The following RPL14 variants were observed in gnomAD, a reference collection of about 807,000 sequenced individuals.
RPL14 encodes the protein large ribosomal subunit protein eL14.
A neutral mutation model predicts 25.3 loss-of-function variants in RPL14; 4 were observed. The observed-to-expected ratio is 0.16, with a 90% confidence interval of 0.08 to 0.36. RPL14 has a LOEUF of 0.36. Among genes scored for constraint, RPL14 ranks in the 10% least tolerant of loss-of-function variants. The pLI, the probability that RPL14 is intolerant of heterozygous loss-of-function variation, is 1.00. For synonymous variants in RPL14, 75 were observed against 89.8 expected (o/e 0.84, Z 0.93); for missense variants, 212 against 261.9 (o/e 0.81, Z 1.31).
Position 40,458,957 on chromosome 3 carries a change from C to T in RPL14, c.200+221C>T, listed in dbSNP as rs528527940. ...TTGGGAGGCCACGGTGGGAGGGTCT[C>T]TTGAGCCCAAGTTTCAAGACCAGCA... On this transcript the variant is annotated intron_variant, in intron 3 of 5. Transcript: ENST00000396203. 5.4e-4 allele frequency: 256 copies of T among 471,608 alleles called. 5 individuals are homozygous for T. In the South Asian group the frequency reaches 5.8e-3, roughly 11 times the overall value. 29.2% of individuals were successfully genotyped at this position (471,608 alleles called of 1,614,324 possible).
At position 40,467,306 on chromosome 3, in the gene RPL14, C is replaced by T. The variant is rs916963029; in HGVS notation, c.*5074C>T. On this transcript the variant is annotated 3_prime_UTR_variant, in exon 6 of 6. Transcript: ENST00000396203. ...ACCAAGAAGTCCCACAAAATACCATCTGCAAGCTGGAGAACCAGGAAAGCT... is the reference window on the plus strand; with the variant it reads ...ACCAAGAAGTCCCACAAAATACCATTTGCAAGCTGGAGAACCAGGAAAGCT... 6.6e-6 allele frequency: 1 copy of T among 152,192 alleles called. No individual in the cohort carries two copies. The highest frequency in any genetic ancestry group is 2.4e-5 in the African/African-American group (1 of 41,448). The allele number at this position is 152,192 out of a possible 1,614,324, so 9.4% of individuals were successfully genotyped here. A position where few individuals can be genotyped will look rare whatever the true frequency, so the allele number is the denominator to read the frequency against.
chr3:40,457,927 A>C lies in RPL14; in HGVS notation c.41A>C (p.Tyr14Ser), dbSNP rs757289887. Residue 14 changes from tyrosine to serine, a missense_variant, in exon 2 of 6, where the codon TAT becomes TCT. Coordinates refer to ENST00000396203, the MANE Select transcript of RPL14 (RefSeq NM_001034996.3). Reference protein sequence around the residue: ...RRFVEVGRVAYVSFGPHAGKL... With the variant: ...RRFVEVGRVASVSFGPHAGKL... Reference sequence around the variant, plus strand: ...TTCGTGGAGGTTGGCCGGGTGGCCTATGTCTCCTTTGGACCTCATGCCGGA... The same window carrying C: ...TTCGTGGAGGTTGGCCGGGTGGCCTCTGTCTCCTTTGGACCTCATGCCGGA... 4 of 1,614,202 alleles carry C rather than the reference A, an allele frequency of 2.5e-6. No homozygotes were observed.
Position 40,461,389 on chromosome 3 carries a change from G to A in RPL14, c.201-18G>A, listed in dbSNP as rs1385055984. The stretch of plus-strand genomic sequence containing the variant: ...CTTCAAAGCTGATTTCTTAATCTGT[G>A]GTCTTGGCTCGTTCTAGTGCCCACC... On this transcript the variant is annotated intron_variant, in intron 3 of 5. Transcript: ENST00000396203. 1 of 1,607,208 alleles carries A rather than the reference G, an allele frequency of 6.2e-7. No individual in the cohort carries two copies.
At chr3:40,460,628 T>C (rs1392930253) in intron 3 of RPL14, among the ~76,000 whole-genome samples, 1 of 144,468 alleles carries the variant, frequency 6.9e-6, no homozygotes, top group Non-Finnish European at 1.5e-5. Flanking sequence ...TTTTTTTTTC[T>C]TTTGACACGG....
intron 2 of RPL14, chr3:40,458,275 C>A: frequency 1.9e-6 from 1 of 532,514 alleles, no homozygotes; most frequent in Non-Finnish European, 3.3e-6. Flanking sequence ...ACAGATCCAG[C>A]ACGTAGAAAG....
intron 3 of RPL14, 126 bp from the exon 4 acceptor site, chr3:40,461,281 G>A: frequency 1.4e-6 from 1 of 714,564 alleles, no homozygotes; most frequent in Non-Finnish European, 2.4e-6. Context: ...ACAAAAATAA[G>A]TAAAATACAT....
rs935738626 is a variant in RPL14 at position 40,461,998 on chromosome 3, T to G, written c.414T>G (p.Ala138=). 4.3e-6 allele frequency: 7 copies of G among 1,610,496 alleles called. No individual in the cohort carries two copies. The African/African-American group carries it at 9.4e-5, about 22-fold the overall frequency. Residue 138 remains alanine (A), a synonymous_variant, in exon 6 of 6, where the codon GCT becomes GCG. Coordinates refer to ENST00000396203, the MANE Select transcript of RPL14 (RefSeq NM_001034996.3). ...KKLQKAALLK[A]SPKKAPGTKG... is the part of the protein sequence containing the mutation. The stretch of plus-strand genomic sequence containing the variant: ...TTCAAAAGGCAGCTCTCCTGAAAGC[T>G]TCTCCCAAAAAAGCACCTGGTACTA...
intron 3 of RPL14, chr3:40,459,052 C>T (rs1400500066): frequency 2.8e-5 from 8 of 290,266 alleles, no homozygotes; most frequent in South Asian, 1.3e-4. Flanking sequence ...TGGTGGCACG[C>T]GCCTGTAATC....
In RPL14 at chr3:40,464,219, C is replaced by T; in HGVS notation, c.*1987C>T. ...AGGTGATCTGTCCGCCTTGGCCTCC[C>T]AAAGTGCTGGGATTACAGGCGTGAG... is the stretch of plus-strand genomic sequence containing the variant. On this transcript the variant is annotated 3_prime_UTR_variant, in exon 6 of 6. Transcript: ENST00000396203. 3.0e-6 allele frequency: 1 copy of T among 338,942 alleles called. No homozygotes were observed. The highest frequency in any genetic ancestry group is 2.3e-5 in the South Asian group (1 of 42,626). The allele number at this position is 338,942 out of a possible 1,614,324, so 21.0% of individuals were successfully genotyped here.
Position 40,464,753 on chromosome 3 carries a change from G to A in RPL14, c.*2521G>A, listed in dbSNP as rs907431537. 33 of 298,294 alleles carry A rather than the reference G, an allele frequency of 1.1e-4. No individual in the cohort carries two copies. Among genetic ancestry groups the A allele is most frequent in the African/African-American group, 6.9e-4 (32 of 46,200 alleles). The allele number at this position is 298,294 out of a possible 1,614,324, so 18.5% of individuals were successfully genotyped here. A position where few individuals can be genotyped will look rare whatever the true frequency, so the allele number is the denominator to read the frequency against. The stretch of plus-strand genomic sequence containing the variant: ...GTGGTAATGCCATTTAGGTGGTCTT[G>A]ATCATGCATTGGACTGCAGAAATAA... On this transcript the variant is annotated 3_prime_UTR_variant, in exon 6 of 6. Coordinates refer to ENST00000396203, the MANE Select transcript of RPL14 (RefSeq NM_001034996.3).
At chr3:40,458,992 T>TGGG in intron 3 of RPL14, 1 of 401,786 alleles carries the variant, frequency 2.5e-6, no homozygotes, top group Non-Finnish European at 4.6e-6. Context: ...ATGGGCAACA[T>TGGG]GGCGAAAACC....
rs1696856786 is a variant in RPL14, at chr3:40,457,374, C to G, written c.-98C>G. On this transcript the variant is annotated 5_prime_UTR_variant, in exon 1 of 6. Transcript: ENST00000396203. ...AACGCCGCCAACATGGTGAGTCTTA[C>G]TGTTGCGGGCTCCGGGGCCGTCGAC... is the stretch of plus-strand genomic sequence containing the variant. 3.7e-6 allele frequency: 6 copies of G among 1,606,542 alleles called. No individual in the cohort carries two copies. Among genetic ancestry groups the G allele is most frequent in the Non-Finnish European group, 5.1e-6 (6 of 1,176,348 alleles).
In RPL14 at chr3:40,462,306, C is replaced by G; in HGVS notation, c.*74C>G. The stretch of plus-strand genomic sequence containing the variant: ...TGTATTTAAGCCTTTGGATTTAAAG[C>G]CTGTTGAGGCTGGAGTTAGGAGGCA... On this transcript the variant is annotated 3_prime_UTR_variant, in exon 6 of 6. Coordinates refer to ENST00000396203, the MANE Select transcript of RPL14 (RefSeq NM_001034996.3). The G allele has an allele frequency of 6.9e-7, 1 of 1,439,078 alleles. No homozygotes were observed. The highest frequency in any genetic ancestry group is 1.4e-5 in the South Asian group (1 of 68,980). 89.1% of individuals were successfully genotyped at this position (1,439,078 alleles called of 1,614,324 possible).
chr3:40,461,685 T>C, intron 5 of RPL14, 24 bp downstream of exon 5: 1 of 1,581,424 alleles, frequency 6.3e-7, no homozygotes, highest in Non-Finnish European at 8.6e-7. Context: ...TCTGTATTTT[T>C]GTGTAACTTA....
rs1696992147 is a variant in RPL14 at position 40,464,059 on chromosome 3, T to C, written c.*1827T>C. 6.1e-6 allele frequency: 1 copy of C among 163,776 alleles called. No homozygotes were observed. Among genetic ancestry groups the C allele is most frequent in the Non-Finnish European group, 1.3e-5 (1 of 75,812 alleles). The allele number at this position is 163,776 out of a possible 1,614,324, so 10.1% of individuals were successfully genotyped here. ...ATCTCAGCTCACTGCGACCTCCACC[T>C]CCCAGGTTCAAGTTGTTCTGCCTCA... On this transcript the variant is annotated 3_prime_UTR_variant, in exon 6 of 6. Transcript: ENST00000396203.
At position 40,462,552 on chromosome 3, in the gene RPL14, A is replaced by G. The variant is rs1295019458; in HGVS notation, c.*320A>G. ...CCACCGCGCCTGGCTAATTTTTTGT[A>G]TTTTTAGTAGAGACGGGGTTTCACC... is the stretch of plus-strand genomic sequence containing the variant. On this transcript the variant is annotated 3_prime_UTR_variant, in exon 6 of 6. Transcript: ENST00000396203. 3 of 202,842 alleles carry G rather than the reference A, an allele frequency of 1.5e-5. No individual in the cohort carries two copies. The highest frequency in any genetic ancestry group is 4.8e-5 in the African/African-American group (2 of 41,868). The allele number at this position is 202,842 out of a possible 1,614,324, so 12.6% of individuals were successfully genotyped here. A position where few individuals can be genotyped will look rare whatever the true frequency, so the allele number is the denominator to read the frequency against.
At position 40,467,785 on chromosome 3, in the gene RPL14, A is replaced by T. The variant is rs1218054166; in HGVS notation, c.*5553A>T. ...ATTGATAGACATTTCGGATGATGCCAATTTCTTTTTCTGGTTTTTGTTTTT... is the reference window on the plus strand; with the variant it reads ...ATTGATAGACATTTCGGATGATGCCTATTTCTTTTTCTGGTTTTTGTTTTT... On this transcript the variant is annotated 3_prime_UTR_variant, in exon 6 of 6. Coordinates refer to ENST00000396203, the MANE Select transcript of RPL14 (RefSeq NM_001034996.3). 6.6e-6 allele frequency: 1 copy of T among 151,696 alleles called. No individual in the cohort carries two copies. The highest frequency in any genetic ancestry group is 1.5e-5 in the Non-Finnish European group (1 of 67,964). The allele number at this position is 151,696 out of a possible 1,614,324, so 9.4% of individuals were successfully genotyped here.
rs779550149 is a variant in RPL14, at chr3:40,461,506, G to A, written c.300G>A (p.Arg100=). 6.2e-7 allele frequency: 1 copy of A among 1,613,768 alleles called. No homozygotes were observed. The highest frequency in any genetic ancestry group is 8.5e-7 in the Non-Finnish European group (1 of 1,179,816). The part of the protein sequence containing the change: ...RWAKKIEARE[R]KAKMTDFDRF... The stretch of plus-strand genomic sequence containing the variant: ...CCAAGAAGATTGAAGCCAGAGAAAG[G>A]GTAATAACTTAGGGTCATTTGAATT... Residue 100 remains arginine (R), a splice_region_variant and synonymous_variant, in exon 4 of 6, where the codon AGG becomes AGA. Coordinates refer to ENST00000396203, the MANE Select transcript of RPL14 (RefSeq NM_001034996.3).
chr3:40,460,392 C>T (rs550386869), intron 3 of RPL14, among the ~76,000 whole-genome samples: 2 of 152,042 alleles, frequency 1.3e-5, no homozygotes, highest in East Asian at 3.9e-4. Flanking sequence ...GTAGTGTACT[C>T]CTGTAGCCCC....
Sources: allele counts gnomAD v4.1 joint callset (sites outside exome capture counted in the v4.1 genomes callset), GRCh38; gene constraint gnomAD v4.1.1; transcripts MANE v1.5; gene names NCBI Gene and HGNC (gene_info 2026-07-23, HGNC 2026-07-21).